Variants in COL27A1 observed in about 807,000 individuals in gnomAD.
COL27A1 encodes collagen type XXVII alpha 1 chain, also known as collagen alpha-1(XXVII) chain.
A neutral mutation model predicts 251.3 loss-of-function variants in COL27A1; 106 were observed. The ratio of observed to expected loss-of-function variants is 0.42; its 90% CI spans 0.36 to 0.50. The LOEUF (loss-of-function observed/expected upper bound fraction) is 0.50. COL27A1 is among the 20% of genes least tolerant of loss of function. The probability of loss-of-function intolerance (pLI) is 0.00; values close to 1 mark genes in which losing one functional copy is unlikely to be tolerated. For synonymous variants in COL27A1, 1,000 were observed against 986.3 expected (o/e 1.01, Z -0.26); for missense variants, 2,325 against 2,522.8 (o/e 0.92, Z 1.68).
rs768434921 is a variant in COL27A1 at position 114,167,979 on chromosome 9, C to T, written c.424C>T (p.Arg142Trp). The T allele has an allele frequency of 3.1e-6, 5 of 1,605,760 alleles. No individual in the cohort carries two copies. The highest frequency in any genetic ancestry group is 2.2e-5 in the East Asian group (1 of 44,848). Reference sequence around the variant, plus strand: ...CAAGACGGTCGTCCACCTCGGGTCCCGGCGCTCAGTGGCCTTCGACCTCGA... The same window carrying T: ...CAAGACGGTCGTCCACCTCGGGTCCTGGCGCTCAGTGGCCTTCGACCTCGA... ...PGKTVVHLGSRRSVAFDLDMH... is the reference protein window; with the variant it reads ...PGKTVVHLGSWRSVAFDLDMH... The change falls in exon 3 of 61, where the codon CGG becomes TGG. Residue 142 changes from arginine (R) to tryptophan (W), a missense_variant. Transcript: ENST00000356083.
intron 40 of COL27A1, 37 bp from the exon 41 acceptor site, chr9:114,284,687 C>G: frequency 1.2e-6 from 2 of 1,609,786 alleles, no homozygotes; most frequent in Non-Finnish European, 1.7e-6. Context: ...CTTCCTGAGT[C>G]CTCATTCTCA....
intron 56 of COL27A1, among the ~76,000 whole-genome samples, chr9:114,303,027 C>A (rs1008420268): frequency 1.3e-5 from 2 of 152,188 alleles, no homozygotes; most frequent in African/African-American, 4.8e-5. Flanking sequence ...GCACCATCCT[C>A]AAAGACAGAG....
intron 27 of COL27A1, among the ~76,000 whole-genome samples, chr9:114,254,837 A>C (rs1833816914): frequency 6.6e-6 from 1 of 152,226 alleles, no homozygotes; most frequent in Non-Finnish European, 1.5e-5. Context: ...TCCAGCTCTT[A>C]AGACTCTCAC....
At chr9:114,291,234 A>G (rs1827893163) in intron 48 of COL27A1, among the ~76,000 whole-genome samples, 1 of 152,294 alleles carries the variant, frequency 6.6e-6, no homozygotes, top group Non-Finnish European at 1.5e-5. Flanking sequence ...TCCCCAAGGC[A>G]TCCTTAGAAA....
intron 12 of COL27A1, among the ~76,000 whole-genome samples, chr9:114,212,011 C>T (rs1392446774): frequency 6.6e-6 from 1 of 152,228 alleles, no homozygotes; most frequent in Non-Finnish European, 1.5e-5. Context: ...AGAGGGGCCT[C>T]TCCGTGCTTC....
chr9:114,299,973 G>T, intron 49 of COL27A1, 97 bp from the exon 50 acceptor site: 1 of 1,130,444 alleles, frequency 8.8e-7, no homozygotes, highest in Non-Finnish European at 1.3e-6. Flanking sequence ...CCCTGGAAAG[G>T]CTGGGAGGGA....
At chr9:114,186,851 A>G (rs1249760137) in intron 5 of COL27A1, among the ~76,000 whole-genome samples, 1 of 152,176 alleles carries the variant, frequency 6.6e-6, no homozygotes, top group Non-Finnish European at 1.5e-5. Flanking sequence ...CTGATGCTGG[A>G]CCATGGTGGA....
At chr9:114,241,254 C>G (rs993311490) in intron 21 of COL27A1, among the ~76,000 whole-genome samples, 4 of 152,246 alleles carry the variant, frequency 2.6e-5, no homozygotes, top group East Asian at 1.9e-4. Flanking sequence ...GCCAGGCCCC[C>G]GTGACACACA....
intron 28 of COL27A1, among the ~76,000 whole-genome samples, chr9:114,260,695 T>C (rs1274728748): frequency 6.6e-6 from 1 of 152,086 alleles, no homozygotes; most frequent in Admixed American, 6.5e-5. Flanking sequence ...TCCTCTGTTC[T>C]TGGTGAGGAC....
chr9:114,286,753 TAA>T (rs57153447), intron 41 of COL27A1, among the ~76,000 whole-genome samples: 1 of 151,514 alleles, frequency 6.6e-6, no homozygotes, highest in Non-Finnish European at 1.5e-5. Context: ...ATAATAGAAT[TAA>T]AAAAAAATGC....
Position 114,290,487 on chromosome 9 carries a change from C to T in COL27A1, c.4368+156C>T, listed in dbSNP as rs985105325. Among the ~76,000 whole-genome samples the T allele has an allele frequency of 5.3e-5, 8 of 152,178 alleles. No individual in the cohort carries two copies. The highest frequency in any genetic ancestry group is 5.2e-4 in the Admixed American group (8 of 15,284). ...TCTGGGGTGGGCAACCATCTCCTCCCCTGGCACCTGGGAGTGTGGACCTTC... is the reference window on the plus strand; with the variant it reads ...TCTGGGGTGGGCAACCATCTCCTCCTCTGGCACCTGGGAGTGTGGACCTTC... On this transcript the variant is annotated intron_variant, in intron 47 of 60. Transcript: ENST00000356083. This position sits in a 1 kb window ranked among gnomAD's most constrained non-coding sequence, Gnocchi z 4.6.
chr9:114,230,972 G>A (rs1035912384), intron 14 of COL27A1, 107 bp from the exon 15 acceptor site: 33 of 828,208 alleles, frequency 4.0e-5, no homozygotes, highest in South Asian at 1.0e-4. Flanking sequence ...ACAGAGTTGC[G>A]TCTTTGGAAG....
chr9:114,248,405 G>A (rs546119243), intron 24 of COL27A1, among the ~76,000 whole-genome samples: 42 of 152,316 alleles, frequency 2.8e-4, no homozygotes, highest in African/African-American at 7.9e-4. Context: ...GAAAACTTCC[G>A]GTAGCAGACA....
chr9:114,178,637 G>A (rs958871181), intron 4 of COL27A1, among the ~76,000 whole-genome samples: 2 of 152,122 alleles, frequency 1.3e-5, no homozygotes, highest in African/African-American at 4.8e-5. Context: ...CCCTTCGGCT[G>A]GTGAGCTTCA....
chr9:114,237,582 C>A, intron 18 of COL27A1, 80 bp from the exon 19 acceptor site: 1 of 1,208,654 alleles, frequency 8.3e-7, no homozygotes, highest in Non-Finnish European at 1.2e-6. Context: ...CAACCATCCA[C>A]AACCAGCGGG....
At chr9:114,203,187 C>A (rs780087847) in intron 7 of COL27A1, among the ~76,000 whole-genome samples, 17 of 152,092 alleles carry the variant, frequency 1.1e-4, no homozygotes, top group Middle Eastern at 3.2e-3. Flanking sequence ...TCCTTTAGGG[C>A]AAAGGATGTT....
At chr9:114,261,046 C>A (rs796267591) in intron 28 of COL27A1, among the ~76,000 whole-genome samples, 1 of 152,212 alleles carries the variant, frequency 6.6e-6, no homozygotes, top group African/African-American at 2.4e-5. Flanking sequence ...CTTCCCCCTC[C>A]GTAAAACGGG....
At chr9:114,259,357 G>A (rs1254511859) in intron 28 of COL27A1, among the ~76,000 whole-genome samples, 1 of 152,170 alleles carries the variant, frequency 6.6e-6, no homozygotes, top group East Asian at 1.9e-4. Context: ...GGAAGTAATC[G>A]CCAGCACTTA....
chr9:114,167,141 C>G (rs939789635), intron 2 of COL27A1, among the ~76,000 whole-genome samples: 3 of 152,150 alleles, frequency 2.0e-5, no homozygotes, highest in Admixed American at 6.5e-5. Flanking sequence ...GGGCTGCTTC[C>G]TGGAGGAGAT....
Sources: allele counts gnomAD v4.1 joint callset (sites outside exome capture counted in the v4.1 genomes callset), GRCh38; gene constraint gnomAD v4.1.1; non-coding constraint Gnocchi (gnomAD v3.1); transcripts MANE v1.5; gene names NCBI Gene and HGNC (gene_info 2026-07-23, HGNC 2026-07-21).